TRIM24: variants seen among roughly 807,000 people sequenced by gnomAD.
TRIM24 encodes the protein tripartite motif containing 24.
TRIM24 carries 29 observed loss-of-function variants against 123.9 expected under a neutral mutation model. The observed-to-expected ratio is 0.23, with a 90% confidence interval of 0.17 to 0.32. The LOEUF is 0.32. Ranked by LOEUF, TRIM24 falls within the 10% of genes least tolerant of loss-of-function variation. The pLI is 1.00. For missense variants in TRIM24, 932 were observed against 1,295.3 expected (o/e 0.72, Z 4.31); for synonymous variants, 456 against 461.1 (o/e 0.99, Z 0.14).
chr7:138,511,410 C>G (rs1329355461), intron 2 of TRIM24, among the ~76,000 whole-genome samples: 1 of 151,802 alleles, frequency 6.6e-6, no homozygotes, highest in Non-Finnish European at 1.5e-5. Context: ...AAGCGATTCT[C>G]CTGCCTCAGC....
chr7:138,465,967 A>C (rs575793891), intron 1 of TRIM24, among the ~76,000 whole-genome samples: 17 of 152,298 alleles, frequency 1.1e-4, no homozygotes, highest in African/African-American at 3.8e-4. Flanking sequence ...AAGTTTGTTC[A>C]CACTCTCCCC....
chr7:138,508,708 C>CATGTGT (rs1554436688), intron 2 of TRIM24, among the ~76,000 whole-genome samples: 1 of 136,194 alleles, frequency 7.3e-6, no homozygotes, highest in Non-Finnish European at 1.6e-5. Flanking sequence ...CGCGTGTGTG[C>CATGTGT]GTGTGTGTGT....
chr7:138,581,574 G>T, intron 16 of TRIM24, 123 bp from the exon 17 acceptor site: 1 of 739,464 alleles, frequency 1.4e-6, no homozygotes, highest in Non-Finnish European at 2.1e-6. Context: ...TAATTTTTTT[G>T]TATTCATCTG....
At chr7:138,569,766 T>G (rs1316029893) in intron 10 of TRIM24, among the ~76,000 whole-genome samples, 1 of 152,210 alleles carries the variant, frequency 6.6e-6, no homozygotes, top group Non-Finnish European at 1.5e-5. Context: ...ATAGTGCTGT[T>G]CATTTGTGAA....
At chr7:138,581,290 G>A (rs1797890055) in intron 16 of TRIM24, among the ~76,000 whole-genome samples, 1 of 152,234 alleles carries the variant, frequency 6.6e-6, no homozygotes, top group Admixed American at 6.5e-5. Flanking sequence ...AAGCAGGGAA[G>A]TATATGAATA....
At chr7:138,566,846 T>G (rs1426282413) in intron 9 of TRIM24, among the ~76,000 whole-genome samples, 11 of 152,208 alleles carry the variant, frequency 7.2e-5, no homozygotes, top group Non-Finnish European at 1.5e-4. Flanking sequence ...TATTAACGAT[T>G]TGTTCATTTT....
intron 18 of TRIM24, 142 bp from the exon 19 acceptor site, chr7:138,584,597 CCTT>C (rs1168795554): frequency 1.2e-5 from 7 of 567,054 alleles, no homozygotes; most frequent in Non-Finnish European, 2.0e-5. Context: ...TTTTAGCTGG[CCTT>C]CTGTACAGAG....
chr7:138,473,578 G>C (rs895464640), intron 1 of TRIM24, among the ~76,000 whole-genome samples: 2 of 152,108 alleles, frequency 1.3e-5, no homozygotes, highest in African/African-American at 4.8e-5. Flanking sequence ...TGAATATTCT[G>C]TTCCAAAAAA....
chr7:138,477,005 T>C (rs545697173), intron 1 of TRIM24, among the ~76,000 whole-genome samples: 1 of 152,262 alleles, frequency 6.6e-6, no homozygotes, highest in South Asian at 2.1e-4. Flanking sequence ...GATGTACTGT[T>C]AAGTAGAAAT....
chr7:138,460,857 A>G lies in TRIM24; in HGVS notation c.309A>G (p.Pro103=). ...APMLGSAETP[P]PVPAPGSPVS... ...TGCTGGGCTCGGCCGAGACCCCGCC[A>G]CCCGTCCCTGCCCCCGGCTCGCCGG... The change falls in exon 1 of 19, where the codon CCA becomes CCG. Residue 103 remains proline (P), a synonymous_variant. Coordinates refer to ENST00000343526, the MANE Select transcript of TRIM24 (RefSeq NM_015905.3). 1 of 1,555,476 alleles carries G rather than the reference A, an allele frequency of 6.4e-7. No individual in the cohort carries two copies.
intron 1 of TRIM24, among the ~76,000 whole-genome samples, chr7:138,482,045 C>T (rs1327104603): frequency 2.0e-5 from 3 of 152,156 alleles, no homozygotes; most frequent in African/African-American, 4.8e-5. Flanking sequence ...TCTTCCTTAG[C>T]GTCTGATTTC....
rs1163767362 is a variant in TRIM24 at position 138,570,108 on chromosome 7, C to T, written c.1705-722C>T. Among the ~76,000 whole-genome samples, 10 of 151,988 alleles carry T rather than the reference C, an allele frequency of 6.6e-5. No homozygotes were observed. In the South Asian group the frequency reaches 8.3e-4, roughly 13 times the overall value. On this transcript the variant is annotated intron_variant, in intron 10 of 18. Coordinates refer to ENST00000343526, the MANE Select transcript of TRIM24 (RefSeq NM_015905.3). Reference sequence around the variant, plus strand: ...GATTACAGGTGCCCACCACCACGCCCGGTTAATTTTTGTGTTTTAGTAGAG... The same window carrying T: ...GATTACAGGTGCCCACCACCACGCCTGGTTAATTTTTGTGTTTTAGTAGAG...
rs1797635688 is a variant in TRIM24 at position 138,570,681 on chromosome 7, A to G, written c.1705-149A>G. The G allele has an allele frequency of 1.1e-5, 6 of 552,820 alleles. No individual in the cohort carries two copies. The East Asian group carries it at 2.2e-4, about 20-fold the overall frequency. The allele number at this position is 552,820 out of a possible 1,614,324, so 34.2% of individuals were successfully genotyped here. On this transcript the variant is annotated intron_variant, in intron 10 of 18. Transcript: ENST00000343526. Reference sequence around the variant, plus strand: ...TTTTGACAAGATTAATGAAAATTATATATACTTGTGCAGTCTTTTGCTGTC... The same window carrying G: ...TTTTGACAAGATTAATGAAAATTATGTATACTTGTGCAGTCTTTTGCTGTC...
intron 1 of TRIM24, among the ~76,000 whole-genome samples, chr7:138,474,133 T>TTC (rs563057979): frequency 2.2e-3 from 326 of 150,580 alleles, no homozygotes; most frequent in African/African-American, 7.0e-3. Flanking sequence ...TTTTTCTTTT[T>TTC]TTTTTTTTTT....
intron 6 of TRIM24, among the ~76,000 whole-genome samples, chr7:138,537,458 T>C (rs1796914913): frequency 6.7e-6 from 1 of 149,382 alleles, no homozygotes; most frequent in South Asian, 2.1e-4. Context: ...AGTCCTTTTT[T>C]AAAGGCAAAT....
chr7:138,580,689 A>C lies in TRIM24; in HGVS notation c.2713A>C (p.Lys905Gln). Residue 905 changes from lysine (K) to glutamine (Q), a missense_variant, in exon 16 of 19, where the codon AAA becomes CAA. Lys to Gln is a moderately conservative substitution (Grantham distance 53, BLOSUM62 1). Transcript: ENST00000343526. The part of the protein sequence containing the change: ...EGLVKLTPID[K>Q]RKCERLLLFL... ...CCTTGTTAAGTTAACACCTATAGATAAAAGGGTAAGTCTTTGGTAAGATGC... is the reference window on the plus strand; with the variant it reads ...CCTTGTTAAGTTAACACCTATAGATCAAAGGGTAAGTCTTTGGTAAGATGC... The C allele has an allele frequency of 6.2e-7, 1 of 1,612,722 alleles. No homozygotes were observed. Among genetic ancestry groups the C allele is most frequent in the Non-Finnish European group, 8.5e-7 (1 of 1,179,378 alleles).
At chr7:138,505,142 C>A (rs1796125165) in intron 2 of TRIM24, among the ~76,000 whole-genome samples, 1 of 152,092 alleles carries the variant, frequency 6.6e-6, no homozygotes, top group Admixed American at 6.6e-5. Context: ...GTTAATTGAT[C>A]TATAAAGTTA....
intron 1 of TRIM24, among the ~76,000 whole-genome samples, chr7:138,477,772 T>A (rs1795436769): frequency 6.6e-6 from 1 of 152,170 alleles, no homozygotes; most frequent in African/African-American, 2.4e-5. Context: ...AGGATAATGA[T>A]GAAGGAAAGC....
chr7:138,523,387 A>C (rs1237138441), intron 4 of TRIM24, among the ~76,000 whole-genome samples: 1 of 152,226 alleles, frequency 6.6e-6, no homozygotes, highest in African/African-American at 2.4e-5. Flanking sequence ...GTTCATTCAT[A>C]ATTTAAAACC....
Sources: allele counts gnomAD v4.1 joint callset (sites outside exome capture counted in the v4.1 genomes callset), GRCh38; gene constraint gnomAD v4.1.1; transcripts MANE v1.5; gene names NCBI Gene and HGNC (gene_info 2026-07-23, HGNC 2026-07-21).